Variants in ATP8B3 observed in about 807,000 individuals in gnomAD.
ATP8B3 encodes the protein phospholipid-transporting ATPase IK.
ATP8B3 carries 141 observed loss-of-function variants against 140.9 expected under a neutral mutation model. The observed-to-expected ratio is 1.00, with a 90% CI of 0.87 to 1.15. The LOEUF (loss-of-function observed/expected upper bound fraction) is 1.15. Ranked by LOEUF, ATP8B3 falls within the 50% of genes most tolerant of loss-of-function variation. The pLI is 0.00. For missense variants in ATP8B3, 1,874 were observed against 1,740.6 expected (o/e 1.08, Z -1.36); for synonymous variants, 765 against 714.6 (o/e 1.07, Z -1.13).
rs562137967 is a variant in ATP8B3 at position 1,806,261 on chromosome 19, C to T, written c.678-92G>A. On this transcript the variant is annotated intron_variant, in intron 7 of 28. Coordinates refer to ENST00000310127, the MANE Select transcript of ATP8B3 (RefSeq NM_138813.4). The surrounding 1 kb of genome is among the most constrained non-coding windows in gnomAD (Gnocchi z 5.6). The stretch of plus-strand genomic sequence containing the variant: ...GAGGCACGGGATGACGGGGGGCCCG[C>T]AGCTGCAGTCCCCACCTCCGGGCCT... 3.3e-6 allele frequency: 5 copies of T among 1,526,400 alleles called. No homozygotes were observed. Among genetic ancestry groups the T allele is most frequent in the South Asian group, 2.4e-5 (2 of 81,756 alleles). The allele number at this position is 1,526,400 out of a possible 1,614,324, so 94.6% of individuals were successfully genotyped here. A position where few individuals can be genotyped will look rare whatever the true frequency, so the allele number is the denominator to read the frequency against.
rs1447574224 is a variant in ATP8B3 at position 1,806,755 on chromosome 19, C to T, written c.616-66G>A. The T allele has an allele frequency of 7.9e-6, 12 of 1,512,100 alleles. No individual in the cohort carries two copies. The highest frequency in any genetic ancestry group is 4.9e-5 in the East Asian group (2 of 40,692). The allele number at this position is 1,512,100 out of a possible 1,614,324, so 93.7% of individuals were successfully genotyped here. ...CTCCTGCCCCCGCCCAGGCCGCTGC[C>T]GCACTGCAGCCCAGCAGTGCCCGCC... On this transcript the variant is annotated intron_variant, in intron 6 of 28. Transcript: ENST00000310127. The surrounding 1 kb of genome is among the most constrained non-coding windows in gnomAD (Gnocchi z 5.6).
At position 1,782,788 on chromosome 19, in the gene ATP8B3, C is replaced by T; in HGVS notation, c.*240G>A. On this transcript the variant is annotated 3_prime_UTR_variant, in exon 29 of 29. Coordinates refer to ENST00000310127, the MANE Select transcript of ATP8B3 (RefSeq NM_138813.4). Reference sequence around the variant, plus strand: ...ACTTCTCAGGAGAAGGTGGCCTCTGCTTGGGTGACAATGACCTCTCCTGTG... The same window carrying T: ...ACTTCTCAGGAGAAGGTGGCCTCTGTTTGGGTGACAATGACCTCTCCTGTG... 1 of 544,832 alleles carries T rather than the reference C, an allele frequency of 1.8e-6. No homozygotes were observed. Among genetic ancestry groups the T allele is most frequent in the African/African-American group, 1.9e-5 (1 of 52,924 alleles). 33.7% of individuals were successfully genotyped at this position (544,832 alleles called of 1,614,324 possible). A position where few individuals can be genotyped will look rare whatever the true frequency, so the allele number is the denominator to read the frequency against.
intron 18 of ATP8B3, among the ~76,000 whole-genome samples, chr19:1,795,454 G>A (rs967383610): frequency 1.3e-5 from 2 of 152,196 alleles, no homozygotes; most frequent in African/African-American, 4.8e-5. Context: ...GGGAGGCTGA[G>A]GCAGGAGAAT....
At chr19:1,792,930 GA>G (rs771682991) in intron 18 of ATP8B3, among the ~76,000 whole-genome samples, 6 of 42,472 alleles carry the variant, frequency 1.4e-4, no homozygotes, top group Non-Finnish European at 2.2e-4. Context: ...AAAAAAAAAA[GA>G]AAAGAAAACT....
chr19:1,790,322 CCCTCCTCCCCACTGCCCCCAT>C, intron 21 of ATP8B3, among the ~76,000 whole-genome samples: 1 of 11,494 alleles, frequency 8.7e-5, no homozygotes, highest in East Asian at 1.4e-3. Context: ...ACTGCCCCTC[CCCTCCTCCCCACTGCCCCCAT>C]CCTTCCCCTC....
chr19:1,797,624 C>T lies in ATP8B3; in HGVS notation c.1553-619G>A, dbSNP rs373436223. ...AAGTGACTCTCCTGTCTCAGCCTCCCGAGTAGCTGGGATTACAAGCTCATG... is the reference window on the plus strand; with the variant it reads ...AAGTGACTCTCCTGTCTCAGCCTCCTGAGTAGCTGGGATTACAAGCTCATG... On this transcript the variant is annotated intron_variant, in intron 14 of 28. Transcript: ENST00000310127. Among the ~76,000 whole-genome samples, 7 of 151,628 alleles carry T rather than the reference C, an allele frequency of 4.6e-5. 1 individual carries two copies. Among genetic ancestry groups the T allele is most frequent in the East Asian group, 1.9e-4 (1 of 5,152 alleles).
chr19:1,784,777 G>A, intron 28 of ATP8B3, 42 bp downstream of exon 28: 4 of 1,554,464 alleles, frequency 2.6e-6, no homozygotes, highest in Non-Finnish European at 2.6e-6. Flanking sequence ...CCAGGGTCCT[G>A]GAATGTACCA....
At position 1,811,520 on chromosome 19, in the gene ATP8B3, G is replaced by A. The variant is rs532350400; in HGVS notation, c.217C>T (p.Arg73Trp). The change falls in exon 2 of 29, where the codon CGG (arginine) becomes TGG (tryptophan). Residue 73 changes from arginine (R) to tryptophan (W), a missense_variant. This residue lies in a region of ATP8B3 where 1,032 missense variants were observed against 963.6 expected (regional missense o/e 1.07). Transcript: ENST00000310127. Reference protein sequence around the residue: ...PERRHKAQPGRARKYEWRPEG... With the variant: ...PERRHKAQPGWARKYEWRPEG... ...GGTCTCCATTCATACTTCCTAGCCC[G>A]GCCAGGCTGGGCCTTGTGCCTCCTC... 38 of 1,611,904 alleles carry A rather than the reference G, an allele frequency of 2.4e-5. No homozygotes were observed. The highest frequency in any genetic ancestry group is 1.1e-4 in the South Asian group (10 of 90,988).
chr19:1,795,838 C>CGAA, intron 18 of ATP8B3, 37 bp downstream of exon 18: 1 of 1,289,824 alleles, frequency 7.8e-7, no homozygotes, highest in Non-Finnish European at 1.1e-6. Flanking sequence ...CACACACACA[C>CGAA]ACACACACAT....
chr19:1,805,266 G>T lies in ATP8B3; in HGVS notation c.904+108C>A, dbSNP rs1255022348. 5.4e-6 allele frequency: 6 copies of T among 1,117,870 alleles called. No individual in the cohort carries two copies. In the Admixed American group the frequency reaches 6.0e-5, roughly 11 times the overall value. The allele number at this position is 1,117,870 out of a possible 1,614,324, so 69.2% of individuals were successfully genotyped here. On this transcript the variant is annotated intron_variant, in intron 10 of 28. Coordinates refer to ENST00000310127, the MANE Select transcript of ATP8B3 (RefSeq NM_138813.4). The surrounding 1 kb of genome is among the most constrained non-coding windows in gnomAD (Gnocchi z 5.2). The stretch of plus-strand genomic sequence containing the variant: ...CTGGGATTCCAGGTGTGAGCCACTG[G>T]GCCTGGCCAGCACCTTGTTTTAAAA...
rs141455638 is a variant in ATP8B3, at chr19:1,798,599, G to A, written c.1552+1348C>T. Among the ~76,000 whole-genome samples, 408 of 151,934 alleles carry A rather than the reference G, an allele frequency of 2.7e-3. 5 individuals are homozygous for A. The highest frequency in any genetic ancestry group is 0.021 in the East Asian group (107 of 5,156). On this transcript the variant is annotated intron_variant, in intron 14 of 28. Coordinates refer to ENST00000310127, the MANE Select transcript of ATP8B3 (RefSeq NM_138813.4). Reference sequence around the variant, plus strand: ...TAAAAATACAAAAAATTAGCCGGGCGTGGTGGCGGGCGCCTGTAGTCCCAG... The same window carrying A: ...TAAAAATACAAAAAATTAGCCGGGCATGGTGGCGGGCGCCTGTAGTCCCAG...
chr19:1,795,209 T>A (rs1473071392), intron 18 of ATP8B3, among the ~76,000 whole-genome samples: 1 of 151,958 alleles, frequency 6.6e-6, no homozygotes, highest in African/African-American at 2.4e-5. Context: ...GACTCAAGAT[T>A]GCACCATTGC....
intron 10 of ATP8B3, among the ~76,000 whole-genome samples, chr19:1,804,639 C>G (rs2068956230): frequency 6.6e-6 from 1 of 151,528 alleles, no homozygotes; most frequent in African/African-American, 2.4e-5. Context: ...AACCCCGTCT[C>G]TATTAAAAAT....
rs919864628 is a variant in ATP8B3, at chr19:1,807,103, G to T, written c.615+65C>A. 1.3e-5 allele frequency: 18 copies of T among 1,435,152 alleles called. No homozygotes were observed. In the African/African-American group the frequency reaches 2.4e-4, roughly 19 times the overall value. The allele number at this position is 1,435,152 out of a possible 1,614,324, so 88.9% of individuals were successfully genotyped here. On this transcript the variant is annotated intron_variant, in intron 6 of 28. Transcript: ENST00000310127. This position sits in a 1 kb window ranked among gnomAD's most constrained non-coding sequence, Gnocchi z 5.9. ...AGCCCTCCTCCCACTCTCGCCCAGGGATCAAGAGACCCCCCCGACCGGCCC... is the reference window on the plus strand; with the variant it reads ...AGCCCTCCTCCCACTCTCGCCCAGGTATCAAGAGACCCCCCCGACCGGCCC...
At position 1,800,223 on chromosome 19, in the gene ATP8B3, G is replaced by T. The variant is rs753032797; in HGVS notation, c.1343+36C>A. On this transcript the variant is annotated intron_variant, in intron 13 of 28. Transcript: ENST00000310127. This position sits in a 1 kb window ranked among gnomAD's most constrained non-coding sequence, Gnocchi z 4.4. The stretch of plus-strand genomic sequence containing the variant: ...TGCCATCCCCATGCCTCCCCGTTCC[G>T]CGTTTGCACCGGGGACGCAGCCGGC... 6.2e-7 allele frequency: 1 copy of T among 1,603,936 alleles called. No individual in the cohort carries two copies. The highest frequency in any genetic ancestry group is 1.3e-5 in the African/African-American group (1 of 74,752).
intron 28 of ATP8B3, 151 bp downstream of exon 28, chr19:1,784,668 C>T: frequency 8.8e-7 from 1 of 1,130,016 alleles, no homozygotes; most frequent in Non-Finnish European, 1.2e-6. Context: ...GGGCGTGTGT[C>T]CGGGGCTCCG....
In ATP8B3 at chr19:1,782,447, G is replaced by A. The variant is rs766059815; in HGVS notation, c.*581C>T. 3.9e-5 allele frequency: 8 copies of A among 206,610 alleles called. No individual in the cohort carries two copies. Among genetic ancestry groups the A allele is most frequent in the African/African-American group, 9.4e-5 (4 of 42,632 alleles). The allele number at this position is 206,610 out of a possible 1,614,324, so 12.8% of individuals were successfully genotyped here. On this transcript the variant is annotated 3_prime_UTR_variant, in exon 29 of 29. Coordinates refer to ENST00000310127, the MANE Select transcript of ATP8B3 (RefSeq NM_138813.4). ...CTCCACCTCCATAGGCTGCTCGCTC[G>A]TGGACGTGGACGATTCTTCCAGACT...
chr19:1,801,277 A>G (rs2068839762), intron 12 of ATP8B3, among the ~76,000 whole-genome samples: 1 of 150,272 alleles, frequency 6.7e-6, no homozygotes, highest in Admixed American at 6.6e-5. Context: ...TCAGCCTCCC[A>G]AGTAGCTGGG....
chr19:1,801,721 C>A (rs1044828436), intron 12 of ATP8B3, among the ~76,000 whole-genome samples: 2 of 151,952 alleles, frequency 1.3e-5, no homozygotes, highest in African/African-American at 2.4e-5. Flanking sequence ...CACTGCACTC[C>A]GGCCTGGTGA....
Sources: allele counts gnomAD v4.1 joint callset (sites outside exome capture counted in the v4.1 genomes callset), GRCh38; gene constraint gnomAD v4.1.1; regional missense constraint gnomAD v4.1.1; non-coding constraint Gnocchi (gnomAD v3.1); transcripts MANE v1.5; gene names NCBI Gene and HGNC (gene_info 2026-07-23, HGNC 2026-07-21).